The following ASAP1 variants were observed in gnomAD, a reference collection of about 807,000 sequenced individuals.
ASAP1 encodes the protein ArfGAP with SH3 domain, ankyrin repeat and PH domain 1.
Under a neutral mutation model 145.2 loss-of-function variants are expected in ASAP1, and 43 were observed. That is an observed-to-expected ratio of 0.30 (90% CI 0.23 to 0.38). The LOEUF is 0.38. Ranked by LOEUF, ASAP1 falls within the 10% of genes least tolerant of loss-of-function variation. The pLI is 1.00. For synonymous variants in ASAP1, 546 were observed against 515.5 expected, an observed-to-expected ratio of 1.06 and a Z score of -0.80; for missense variants, 1,018 against 1,355.3, an observed-to-expected ratio of 0.75 and a Z score of 3.91.
Position 130,152,680 on chromosome 8 carries a change from A to G in ASAP1, c.1080+56T>C, listed in dbSNP as rs866521673. The G allele has an allele frequency of 4.1e-5, 56 of 1,363,204 alleles. 1 individual carries two copies. In the Middle Eastern group the frequency reaches 4.2e-3, roughly 103 times the overall value. 84.4% of individuals were successfully genotyped at this position (1,363,204 alleles called of 1,614,324 possible). A position where few individuals can be genotyped will look rare whatever the true frequency, so the allele number is the denominator to read the frequency against. ...TGCGCCAATTTTTACTGCTGAGTACATAATCGTGTTTGCTTTCTGGCCCAT... is the reference window on the plus strand; with the variant it reads ...TGCGCCAATTTTTACTGCTGAGTACGTAATCGTGTTTGCTTTCTGGCCCAT... On this transcript the variant is annotated intron_variant, in intron 13 of 29. Coordinates refer to ENST00000518721, the MANE Select transcript of ASAP1 (RefSeq NM_018482.4).
intron 25 of ASAP1, among the ~76,000 whole-genome samples, chr8:130,088,127 G>A (rs1024218773): frequency 1.3e-5 from 2 of 152,156 alleles, no homozygotes; most frequent in Admixed American, 6.6e-5. Flanking sequence ...AGGATCTTGA[G>A]ACAAGGAGAT....
At chr8:130,420,650 G>A (rs1276888337) in intron 1 of ASAP1, among the ~76,000 whole-genome samples, 7 of 151,988 alleles carry the variant, frequency 4.6e-5, no homozygotes, top group Non-Finnish European at 1.0e-4. Flanking sequence ...TCCCAGCACT[G>A]TGGGAGGCCG....
At chr8:130,124,451 G>C (rs144732578) in intron 17 of ASAP1, among the ~76,000 whole-genome samples, 2 of 152,226 alleles carry the variant, frequency 1.3e-5, no homozygotes, top group African/African-American at 4.8e-5. Flanking sequence ...AGATTACAGA[G>C]AGCAGGCTCC....
intron 3 of ASAP1, among the ~76,000 whole-genome samples, chr8:130,347,349 G>C (rs1195208068): frequency 6.6e-6 from 1 of 152,182 alleles, no homozygotes; most frequent in Non-Finnish European, 1.5e-5. Context: ...AAGGATCAAG[G>C]GGAGGTGACA....
intron 3 of ASAP1, among the ~76,000 whole-genome samples, chr8:130,340,413 G>C (rs1825301532): frequency 6.6e-6 from 1 of 152,032 alleles, no homozygotes; most frequent in East Asian, 1.9e-4. Flanking sequence ...ACTCACCCTG[G>C]GCAATAATTT....
intron 2 of ASAP1, among the ~76,000 whole-genome samples, chr8:130,387,401 T>A (rs1828067974): frequency 6.6e-6 from 1 of 152,058 alleles, no homozygotes; most frequent in South Asian, 2.1e-4. Flanking sequence ...CTGAGCATGG[T>A]GGCGCTCGCC....
intron 25 of ASAP1, among the ~76,000 whole-genome samples, chr8:130,089,808 C>A (rs973261719): frequency 2.0e-5 from 3 of 152,118 alleles, no homozygotes; most frequent in Non-Finnish European, 4.4e-5. Flanking sequence ...TGCATGTACA[C>A]CAACATATGC....
intron 27 of ASAP1, among the ~76,000 whole-genome samples, chr8:130,070,889 G>A (rs2097443026): frequency 2.4e-5 from 1 of 42,492 alleles, no homozygotes; most frequent in East Asian, 1.1e-3. Context: ...GAGAGGGAGA[G>A]AGGGAGAGAG....
intron 3 of ASAP1, among the ~76,000 whole-genome samples, chr8:130,310,104 C>A (rs1332871666): frequency 3.2e-5 from 4 of 125,096 alleles, no homozygotes; most frequent in African/African-American, 6.3e-5. Flanking sequence ...TCTCAGCTTC[C>A]TCATCTACAA....
intron 4 of ASAP1, among the ~76,000 whole-genome samples, chr8:130,215,612 C>T (rs1217181617): frequency 6.6e-6 from 1 of 151,904 alleles, no homozygotes; most frequent in Non-Finnish European, 1.5e-5. Flanking sequence ...GGTGTAGTAG[C>T]GGGTGCCTGT....
chr8:130,423,830 A>G (rs1327281718), intron 1 of ASAP1, among the ~76,000 whole-genome samples: 1 of 152,116 alleles, frequency 6.6e-6, no homozygotes, highest in Non-Finnish European at 1.5e-5. Context: ...ATGAGCATTT[A>G]CTATGTTTAC....
chr8:130,075,303 C>A (rs2097459820), intron 27 of ASAP1, among the ~76,000 whole-genome samples: 1 of 152,198 alleles, frequency 6.6e-6, no homozygotes, highest in Non-Finnish European at 1.5e-5. Context: ...AGTGAATCAG[C>A]AGTCATTTGG....
intron 5 of ASAP1, among the ~76,000 whole-genome samples, chr8:130,211,864 G>A (rs143034168): frequency 1.3e-5 from 2 of 152,230 alleles, no homozygotes; most frequent in African/African-American, 2.4e-5. Flanking sequence ...TTTGCTTAAC[G>A]TTTCTGGCCT....
At chr8:130,276,728 A>ACACACTCACTCTCTCT (rs548512902) in intron 3 of ASAP1, among the ~76,000 whole-genome samples, 3 of 87,276 alleles carry the variant, frequency 3.4e-5, no homozygotes, top group Non-Finnish European at 6.6e-5. Context: ...ACACACACAC[A>ACACACTCACTCTCTCT]CTCTCTCTCT....
intron 11 of ASAP1, 118 bp from the exon 12 acceptor site, chr8:130,160,082 A>G: frequency 1.2e-6 from 1 of 827,016 alleles, no homozygotes; most frequent in Non-Finnish European, 2.0e-6. Context: ...TGGAACTTTA[A>G]GAGCTGTCAG....
chr8:130,145,423 T>C (rs1007568598), intron 13 of ASAP1, among the ~76,000 whole-genome samples: 4 of 152,154 alleles, frequency 2.6e-5, no homozygotes, highest in African/African-American at 9.6e-5. Context: ...GTTCAAGCGA[T>C]TCTCCTGCCT....
At chr8:130,128,700 T>C (rs1197754765) in intron 15 of ASAP1, among the ~76,000 whole-genome samples, 1 of 152,216 alleles carries the variant, frequency 6.6e-6, no homozygotes, top group East Asian at 1.9e-4. Flanking sequence ...ACAGTATGAC[T>C]ACTGTATGTC....
intron 29 of ASAP1, 93 bp from the exon 30 acceptor site, chr8:130,054,898 C>T: frequency 1.0e-6 from 1 of 987,140 alleles, no homozygotes. Context: ...AGTCTGCCCA[C>T]AGACCTGGCG....
At chr8:130,403,554 C>CTTTTTTTTTT (rs372481861) in intron 1 of ASAP1, among the ~76,000 whole-genome samples, 6 of 125,390 alleles carry the variant, frequency 4.8e-5, no homozygotes, top group African/African-American at 9.3e-5. Flanking sequence ...TTTTCTTTTT[C>CTTTTTTTTTT]TTTTTTTTTT....
Sources: gnomAD v4.1 joint callset for allele counts (sites outside exome capture counted in the v4.1 genomes callset) on GRCh38, gnomAD v4.1.1 for gene constraint, MANE v1.5 for transcripts, NCBI Gene and HGNC (gene_info 2026-07-23, HGNC 2026-07-21) for gene names.